OCA2: variants seen among roughly 807,000 people sequenced by gnomAD.
OCA2 encodes the protein OCA2 melanosomal transmembrane protein, also known as P protein.
Under a neutral mutation model 100.2 loss-of-function variants are expected in OCA2, and 77 were observed. That is an observed-to-expected ratio of 0.77 (90% CI 0.64 to 0.93). The LOEUF is 0.93. Ranked by LOEUF, OCA2 falls within the 40% of genes least tolerant of loss-of-function variation. The probability of loss-of-function intolerance (pLI) is 0.00; values close to 1 mark genes in which losing one functional copy is unlikely to be tolerated. For synonymous variants in OCA2, 432 were observed against 439.2 expected (o/e 0.98, Z 0.21); for missense variants, 1,062 against 1,089.1 (o/e 0.98, Z 0.35).
intron 18 of OCA2, among the ~76,000 whole-genome samples, chr15:27,944,912 G>A (rs1290333841): frequency 1.3e-5 from 2 of 152,194 alleles, no homozygotes; most frequent in Non-Finnish European, 2.9e-5. Context: ...CAGTGGGCAA[G>A]AGGAACCCGC....
chr15:27,920,935 G>T (rs2064037194), intron 19 of OCA2, among the ~76,000 whole-genome samples: 1 of 151,960 alleles, frequency 6.6e-6, no homozygotes, highest in Admixed American at 6.6e-5. Context: ...CAAAACCTAT[G>T]GGACGCAATC....
chr15:28,073,057 A>G (rs949581257), intron 2 of OCA2, among the ~76,000 whole-genome samples: 7 of 152,342 alleles, frequency 4.6e-5, no homozygotes, highest in Admixed American at 1.3e-4. Context: ...GTGTCCATCA[A>G]TGCTAGACTG....
chr15:27,850,625 C>A (rs917671647), intron 22 of OCA2, among the ~76,000 whole-genome samples: 4 of 152,116 alleles, frequency 2.6e-5, no homozygotes, highest in Non-Finnish European at 5.9e-5. Flanking sequence ...CATTAATCCC[C>A]CTTTTCAGCC....
At chr15:27,928,549 C>G (rs1010673064) in intron 18 of OCA2, among the ~76,000 whole-genome samples, 4 of 152,268 alleles carry the variant, frequency 2.6e-5, no homozygotes, top group African/African-American at 9.6e-5. Flanking sequence ...GCGTTCCTGT[C>G]TGGAGGCTCT....
At chr15:27,934,541 T>C (rs1274670805) in intron 18 of OCA2, among the ~76,000 whole-genome samples, 2 of 152,252 alleles carry the variant, frequency 1.3e-5, no homozygotes, top group East Asian at 1.9e-4. Context: ...GTAAAGCTTT[T>C]TGACCCCAGA....
downstream of OCA2, among the ~76,000 whole-genome samples, chr15:27,752,810 C>T (rs916416545): frequency 3.1e-5 from 4 of 129,174 alleles, no homozygotes; most frequent in East Asian, 2.9e-4. Context: ...ACCCCCCCCC[C>T]CCCCCCAGAG....
At chr15:27,744,511 T>C in the OCA2 span, among the ~76,000 whole-genome samples, 1 of 152,184 alleles carries the variant, frequency 6.6e-6, no homozygotes, top group Non-Finnish European at 1.5e-5. Flanking sequence ...GGTTTTTGCA[T>C]TGGCCCTTTG....
chr15:27,723,655 C>T, the OCA2 span, among the ~76,000 whole-genome samples: 1 of 152,140 alleles, frequency 6.6e-6, no homozygotes, highest in Non-Finnish European at 1.5e-5. Context: ...ATCTCTCATT[C>T]ACATTTTCCT....
intron 2 of OCA2, among the ~76,000 whole-genome samples, chr15:28,060,048 C>T (rs530557273): frequency 2.0e-5 from 3 of 152,386 alleles, no homozygotes; most frequent in Non-Finnish European, 4.4e-5. Flanking sequence ...CAACCCGCTG[C>T]TTCCACCAAC....
rs949612687 is a variant in OCA2, at chr15:27,966,789, A to G, written c.1537T>C (p.Phe513Leu). 1 of 1,612,934 alleles carries G rather than the reference A, an allele frequency of 6.2e-7. No individual in the cohort carries two copies. Among genetic ancestry groups the G allele is most frequent in the African/African-American group, 1.3e-5 (1 of 74,882 alleles). ...AGGAGAACAAGGCAAATCCCAATGA[A>G]CATGTGTGCAGTGAATCCGGCAAAG... ...LDFAGFTAHMFIGICLVLLVC... is the reference protein window; with the variant it reads ...LDFAGFTAHMLIGICLVLLVC... Residue 513 changes from phenylalanine to leucine, a missense_variant, in exon 15 of 24, where the codon TTC (phenylalanine) becomes CTC (leucine). Coordinates refer to ENST00000354638, the MANE Select transcript of OCA2 (RefSeq NM_000275.3).
rs563422495 is a variant in OCA2, at chr15:28,074,401, G to A, written c.227+7247C>T. 2.8e-4 allele frequency among the ~76,000 whole-genome samples: 42 copies of A among 151,336 alleles called. No homozygotes were observed. In the South Asian group the frequency reaches 6.7e-3, roughly 24 times the overall value. Reference sequence around the variant, plus strand: ...AAAAATACAAAAAAAATGGCCGGGCGCGGTGGCTCACGCCTGTAATCCCAG... The same window carrying A: ...AAAAATACAAAAAAAATGGCCGGGCACGGTGGCTCACGCCTGTAATCCCAG... On this transcript the variant is annotated intron_variant, in intron 2 of 23. Transcript: ENST00000354638.
intron 2 of OCA2, among the ~76,000 whole-genome samples, chr15:28,038,043 G>A (rs950870209): frequency 2.0e-5 from 3 of 151,908 alleles, no homozygotes; most frequent in South Asian, 2.1e-4. Context: ...TCCTCCCTTC[G>A]CTATTTCTCT....
intron 2 of OCA2, among the ~76,000 whole-genome samples, chr15:28,061,490 C>T (rs966124801): frequency 6.6e-6 from 1 of 151,794 alleles, no homozygotes; most frequent in Admixed American, 6.6e-5. Flanking sequence ...TCCAGTCTGA[C>T]AAAAATATAC....
chr15:28,032,472 G>T (rs2042933279), intron 2 of OCA2, among the ~76,000 whole-genome samples: 1 of 152,122 alleles, frequency 6.6e-6, no homozygotes, highest in South Asian at 2.1e-4. Context: ...GCTATTTCAT[G>T]CAGAGCTTCT....
At chr15:27,728,298 AG>A in the OCA2 span, among the ~76,000 whole-genome samples, 1 of 152,308 alleles carries the variant, frequency 6.6e-6, no homozygotes, top group African/African-American at 2.4e-5. Flanking sequence ...GGTCTCAAGC[AG>A]TTTTGAAATC....
At chr15:28,077,510 G>A (rs937292048) in intron 2 of OCA2, among the ~76,000 whole-genome samples, 3 of 152,192 alleles carry the variant, frequency 2.0e-5, no homozygotes, top group African/African-American at 7.2e-5. Context: ...TAGGACAGGG[G>A]AAACAGCCCT....
the OCA2 span, among the ~76,000 whole-genome samples, chr15:27,732,180 T>C: frequency 1.3e-5 from 2 of 152,220 alleles, no homozygotes; most frequent in Admixed American, 6.5e-5. Context: ...AAACAATGAA[T>C]ATGAACCTGA....
intron 1 of OCA2, among the ~76,000 whole-genome samples, chr15:28,094,113 C>CAGCCT (rs974902114): frequency 2.0e-5 from 3 of 152,246 alleles, no homozygotes; most frequent in African/African-American, 7.2e-5. Flanking sequence ...TCCAATCCCA[C>CAGCCT]AGCCTGTCCC....
chr15:27,983,224 C>G (rs1187642715), intron 14 of OCA2, 121 bp downstream of exon 14: 6 of 1,234,742 alleles, frequency 4.9e-6, no homozygotes, highest in Non-Finnish European at 7.1e-6. Context: ...CCCAGTAGCA[C>G]TTACTGTGAA....
Sources: allele counts gnomAD v4.1 joint callset (sites outside exome capture counted in the v4.1 genomes callset), GRCh38; gene constraint gnomAD v4.1.1; transcripts MANE v1.5; gene names NCBI Gene and HGNC (gene_info 2026-07-23, HGNC 2026-07-21).